The following PAMR1 variants were observed in gnomAD, a reference collection of about 807,000 sequenced individuals.
The protein encoded by PAMR1 is peptidase domain containing associated with muscle regeneration 1, also known as inactive serine protease PAMR1.
Under a neutral mutation model 81.8 loss-of-function variants are expected in PAMR1, and 88 were observed. That is an observed-to-expected ratio of 1.08 (90% CI 0.91 to 1.28). The LOEUF (loss-of-function observed/expected upper bound fraction) is 1.28, where lower values mean the gene tolerates loss of function less well. Ranked by LOEUF, PAMR1 falls within the 50% of genes most tolerant of loss-of-function variation. The pLI is 0.00. For missense variants in PAMR1, 935 were observed against 919.7 expected, an observed-to-expected ratio of 1.02 and a Z score of -0.21; for synonymous variants, 336 against 345.3, an observed-to-expected ratio of 0.97 and a Z score of 0.30.
chr11:35,494,056 C>A (rs1023780064), intron 2 of PAMR1, 40 bp downstream of exon 2: 3 of 1,560,974 alleles, frequency 1.9e-6, no homozygotes, highest in African/African-American at 2.7e-5. Context: ...TTACCTCCAA[C>A]AACATGAAGG....
chr11:35,527,707 G>C (rs959538195), upstream of PAMR1, among the ~76,000 whole-genome samples: 1 of 152,078 alleles, frequency 6.6e-6, no homozygotes, highest in Admixed American at 6.5e-5. Flanking sequence ...TTCAACTCCA[G>C]CTGACGGCAC....
Position 35,432,321 on chromosome 11 carries a change from A to G in PAMR1, c.*35T>C, listed in dbSNP as rs1855923903. The G allele has an allele frequency of 1.9e-6, 3 of 1,574,424 alleles. No homozygotes were observed. The Admixed American group carries it at 5.0e-5, about 26-fold the overall frequency. ...CAATGACACACGTACAGACGGATAT[A>G]CAGAAACACTTCTCAAGGAGTGCAT... On this transcript the variant is annotated 3_prime_UTR_variant, in exon 11 of 11. Transcript: ENST00000619888.
chr11:35,433,499 G>A (rs940340788), intron 10 of PAMR1, among the ~76,000 whole-genome samples: 1 of 152,182 alleles, frequency 6.6e-6, no homozygotes, highest in Non-Finnish European at 1.5e-5. Context: ...CACACATCTT[G>A]TAAAATGTTT....
At chr11:35,470,882 C>T in intron 4 of PAMR1, 64 bp from the exon 5 acceptor site, 2 of 1,153,092 alleles carry the variant, frequency 1.7e-6, no homozygotes, top group Non-Finnish European at 2.6e-6. Flanking sequence ...GACCGCTGGG[C>T]TCATTCAAGG....
chr11:35,500,703 T>C (rs1270586900), intron 1 of PAMR1, among the ~76,000 whole-genome samples: 1 of 152,224 alleles, frequency 6.6e-6, no homozygotes, highest in Non-Finnish European at 1.5e-5. Context: ...CATTAAGCAA[T>C]TTCATCGTTG....
At chr11:35,511,750 C>A (rs940796873) in intron 1 of PAMR1, among the ~76,000 whole-genome samples, 2 of 152,228 alleles carry the variant, frequency 1.3e-5, no homozygotes, top group African/African-American at 2.4e-5. Flanking sequence ...ACTGCCCCCT[C>A]ATCTTGTGCT....
chr11:35,470,104 A>G (rs945015002), intron 5 of PAMR1, among the ~76,000 whole-genome samples: 1 of 152,192 alleles, frequency 6.6e-6, no homozygotes, highest in African/African-American at 2.4e-5. Flanking sequence ...GACTATGCCA[A>G]GCTCTCCATT....
chr11:35,516,388 T>C (rs1189535952), intron 1 of PAMR1, among the ~76,000 whole-genome samples: 1 of 152,210 alleles, frequency 6.6e-6, no homozygotes, highest in African/African-American at 2.4e-5. Context: ...GAAATCTGTA[T>C]CAAAGATGAA....
At chr11:35,483,445 A>C (rs1397213653) in intron 3 of PAMR1, among the ~76,000 whole-genome samples, 1 of 152,094 alleles carries the variant, frequency 6.6e-6, no homozygotes, top group Non-Finnish European at 1.5e-5. Context: ...TTAATAAAAT[A>C]CTTGGTGGAG....
At chr11:35,505,081 A>C (rs1486699752) in intron 1 of PAMR1, among the ~76,000 whole-genome samples, 1 of 152,016 alleles carries the variant, frequency 6.6e-6, no homozygotes, top group African/African-American at 2.4e-5. Flanking sequence ...AGAAATTTTT[A>C]AATTTCTTTC....
chr11:35,491,787 A>G (rs1199222252), intron 3 of PAMR1, among the ~76,000 whole-genome samples: 3 of 152,250 alleles, frequency 2.0e-5, no homozygotes, highest in African/African-American at 7.2e-5. Flanking sequence ...TGCATAAAGC[A>G]GAAAGCCTTG....
At chr11:35,489,582 G>A (rs1461202693) in intron 3 of PAMR1, among the ~76,000 whole-genome samples, 2 of 152,198 alleles carry the variant, frequency 1.3e-5, no homozygotes, top group Admixed American at 1.3e-4. Context: ...CCATGTCTAA[G>A]CTCTGAGCCC....
At chr11:35,529,025 G>A (rs765794438), upstream of PAMR1, 4 of 152,198 alleles carry the variant, frequency 2.6e-5, no homozygotes, top group Non-Finnish European at 5.9e-5. Flanking sequence ...AGAAAAGTCA[G>A]TAGTTTACTG....
intron 3 of PAMR1, among the ~76,000 whole-genome samples, chr11:35,483,534 T>TCTC (rs1273007654): frequency 6.6e-6 from 1 of 152,024 alleles, no homozygotes; most frequent in African/African-American, 2.4e-5. Flanking sequence ...TTTCCTGTCT[T>TCTC]CTCCTCCTCC....
intron 7 of PAMR1, among the ~76,000 whole-genome samples, chr11:35,440,778 T>A (rs1294511991): frequency 6.6e-6 from 1 of 152,166 alleles, no homozygotes; most frequent in Admixed American, 6.5e-5. Flanking sequence ...TCACTTTGAG[T>A]TTACCATGAT....
At chr11:35,525,900 C>T (rs570734317), upstream of PAMR1, 547 of 445,796 alleles carry the variant, frequency 1.2e-3, 3 homozygotes, top group Middle Eastern at 4.4e-3. Flanking sequence ...CAGGTGGGGT[C>T]CCAGTGTTGG....
In PAMR1 at chr11:35,436,656, TCACACACACA is replaced by T. The variant is rs34951313; in HGVS notation, c.1101-531_1101-522del. Among the ~76,000 whole-genome samples the T allele has an allele frequency of 5.9e-4, 85 of 144,944 alleles. 1 individual carries two copies. The highest frequency in any genetic ancestry group is 2.0e-3 in the African/African-American group (80 of 39,374). On this transcript the variant is annotated intron_variant, in intron 8 of 10. Transcript: ENST00000619888. ...CTCTCTGTTTCTCTCTCTCTCTCTG[TCACACACACA>T]CACACACACACACACACACACACAC...
rs1463540871 is a variant in PAMR1, at chr11:35,432,295, G to T, written c.*61C>A. 7.5e-6 allele frequency: 11 copies of T among 1,465,080 alleles called. No homozygotes were observed. Among genetic ancestry groups the T allele is most frequent in the Non-Finnish European group, 8.4e-6 (9 of 1,073,452 alleles). 90.8% of individuals were successfully genotyped at this position (1,465,080 alleles called of 1,614,324 possible). A position where few individuals can be genotyped will look rare whatever the true frequency, so the allele number is the denominator to read the frequency against. Reference sequence around the variant, plus strand: ...ACACTTCAGGCCCACACTGCTTCACGCAATGACACACGTACAGACGGATAT... The same window carrying T: ...ACACTTCAGGCCCACACTGCTTCACTCAATGACACACGTACAGACGGATAT... On this transcript the variant is annotated 3_prime_UTR_variant, in exon 11 of 11. Transcript: ENST00000619888.
Position 35,492,111 on chromosome 11 carries a change from C to T in PAMR1, c.313G>A (p.Asp105Asn). 1 of 1,614,164 alleles carries T rather than the reference C, an allele frequency of 6.2e-7. No homozygotes were observed. Among genetic ancestry groups the T allele is most frequent in the Non-Finnish European group, 8.5e-7 (1 of 1,179,984 alleles). The change falls in exon 3 of 11, where the codon GAC becomes AAC. Residue 105 changes from aspartate to asparagine, a missense_variant. Asp to Asn is a conservative substitution (Grantham distance 23). Transcript: ENST00000619888. Reference protein sequence around the residue: ...RNGSWGGTLDDFYVKGFYCAE... With the variant: ...RNGSWGGTLDNFYVKGFYCAE... ...CAGTAGAACCCCTTCACATAGAAGT[C>T]ATCCAAGGTACCCCCCCATGAGCCA...
Sources: gnomAD v4.1 joint callset for allele counts (sites outside exome capture counted in the v4.1 genomes callset) on GRCh38, gnomAD v4.1.1 for gene constraint, MANE v1.5 for transcripts, NCBI Gene and HGNC (gene_info 2026-07-23, HGNC 2026-07-21) for gene names.